Variants in TMEM108 observed in about 807,000 individuals in gnomAD.
TMEM108 encodes the protein cancer/testis antigen 124.
In TMEM108, 12 loss-of-function variants were observed where a neutral mutation model predicts 35.1. The ratio of observed to expected loss-of-function variants is 0.34; its 90% CI spans 0.22 to 0.55. The LOEUF is 0.55. Ranked by LOEUF, TMEM108 falls within the 20% of genes least tolerant of loss-of-function variation. The pLI is 0.89. For synonymous variants in TMEM108, 287 were observed against 308.6 expected (o/e 0.93, Z 0.73); for missense variants, 680 against 753.3 (o/e 0.90, Z 1.14).
At chr3:133,388,739 T>C in intron 4 of TMEM108, 14 of 985,468 alleles carry the variant, frequency 1.4e-5, no homozygotes, top group Non-Finnish European at 1.7e-5. Flanking sequence ...GGCTGGCAGC[T>C]GGAAAGAAAG....
At chr3:133,368,223 T>A (rs1197289) in intron 3 of TMEM108, among the ~76,000 whole-genome samples, 61,807 of 151,996 alleles carry the variant, frequency 0.41, 12,704 homozygotes, top group Admixed American at 0.43. Context: ...ATCTCTAGGG[T>A]GTGCCTAGGT....
intron 1 of TMEM108, among the ~76,000 whole-genome samples, chr3:133,040,003 T>TGATAA (rs1292923499): frequency 6.6e-6 from 1 of 152,110 alleles, no homozygotes; most frequent in African/African-American, 2.4e-5. Flanking sequence ...CAAATTCAGG[T>TGATAA]TTATCAGCCA....
At chr3:133,253,209 C>A (rs1421328289) in intron 3 of TMEM108, among the ~76,000 whole-genome samples, 2 of 152,090 alleles carry the variant, frequency 1.3e-5, no homozygotes, top group East Asian at 3.8e-4. Context: ...CAAGAAATAC[C>A]ATATAAGACA....
intron 2 of TMEM108, among the ~76,000 whole-genome samples, chr3:133,118,427 A>G (rs1210786065): frequency 3.3e-5 from 5 of 152,234 alleles, no homozygotes; most frequent in African/African-American, 1.2e-4. Context: ...AAGAAGGGAA[A>G]GATAACATCC....
rs190269175 is a variant in TMEM108, at chr3:133,090,619, C to T, written c.-47+44599C>T. On this transcript the variant is annotated intron_variant, in intron 2 of 5. Transcript: ENST00000321871. ...GCACTACCATTCTCTTAAGAATTAT[C>T]GTAAGAAATTTCAAAGGCGCATTTT... 8.8e-3 allele frequency among the ~76,000 whole-genome samples: 1,338 copies of T among 152,268 alleles called. 22 individuals carry two copies. The highest frequency in any genetic ancestry group is 0.031 in the African/African-American group (1,276 of 41,552).
intron 2 of TMEM108, among the ~76,000 whole-genome samples, chr3:133,222,917 C>T (rs529255750): frequency 5.3e-5 from 8 of 152,114 alleles, no homozygotes; most frequent in Middle Eastern, 3.4e-3. Context: ...ACTTCCCAGA[C>T]GCAAGCAATA....
intron 3 of TMEM108, among the ~76,000 whole-genome samples, chr3:133,356,332 C>T (rs1387063469): frequency 6.6e-6 from 1 of 152,024 alleles, no homozygotes; most frequent in Non-Finnish European, 1.5e-5. Context: ...ATAACACAAA[C>T]AAATGGATTC....
intron 2 of TMEM108, among the ~76,000 whole-genome samples, chr3:133,056,644 A>C (rs1486983244): frequency 2.0e-5 from 3 of 152,130 alleles, no homozygotes; most frequent in African/African-American, 7.2e-5. Flanking sequence ...TCTACCTGCC[A>C]CTTTCACACC....
At chr3:133,043,419 G>C (rs1456320021) in intron 1 of TMEM108, among the ~76,000 whole-genome samples, 1 of 152,062 alleles carries the variant, frequency 6.6e-6, no homozygotes, top group Non-Finnish European at 1.5e-5. Context: ...AAGTTTGTAG[G>C]AACATTTTTA....
intron 2 of TMEM108, among the ~76,000 whole-genome samples, chr3:133,169,277 CTTTG>C (rs544651561): frequency 7.1e-4 from 108 of 152,272 alleles, no homozygotes; most frequent in Middle Eastern, 6.8e-3. Flanking sequence ...GCAATATTAA[CTTTG>C]TTTATCACTT....
At chr3:133,248,196 G>A (rs1056132251) in intron 3 of TMEM108, 2 of 151,964 alleles carry the variant, frequency 1.3e-5, no homozygotes, top group South Asian at 2.1e-4. Context: ...GGAGACTGAC[G>A]ATAACAAGCC....
At chr3:133,233,236 G>T (rs1213065899) in intron 3 of TMEM108, among the ~76,000 whole-genome samples, 2 of 151,922 alleles carry the variant, frequency 1.3e-5, no homozygotes, top group African/African-American at 2.4e-5. Context: ...TCCCCTTCCT[G>T]TGTCCACGTG....
chr3:133,330,608 G>C (rs1227311386), intron 3 of TMEM108, among the ~76,000 whole-genome samples: 1 of 152,136 alleles, frequency 6.6e-6, no homozygotes, highest in Non-Finnish European at 1.5e-5. Context: ...GGTGGTGGTG[G>C]TAATAGTGTA....
At position 133,187,883 on chromosome 3, in the gene TMEM108, CAAAAA is replaced by C. The variant is rs34894272; in HGVS notation, c.-46-41369_-46-41365del. Among the ~76,000 whole-genome samples, 620 of 127,342 alleles carry C rather than the reference CAAAAA, an allele frequency of 4.9e-3. 4 individuals carry two copies. Among genetic ancestry groups the C allele is most frequent in the African/African-American group, 0.014 (482 of 35,464 alleles). 83.5% of individuals were successfully genotyped at this position (127,342 alleles called of 152,430 possible). On this transcript the variant is annotated intron_variant, in intron 2 of 5. Transcript: ENST00000321871. ...ATGCATATCAGAGTAACGGTTGCTG[CAAAAA>C]AAAAAAAAAAAAAGACAGGAACAAA...
chr3:133,064,923 T>C (rs1004346291), intron 2 of TMEM108, among the ~76,000 whole-genome samples: 3 of 152,202 alleles, frequency 2.0e-5, no homozygotes, highest in African/African-American at 7.2e-5. Context: ...AACTTTACAC[T>C]GATACTTCCT....
intron 2 of TMEM108, among the ~76,000 whole-genome samples, chr3:133,061,251 G>A (rs112023771): frequency 0.019 from 2,670 of 137,160 alleles, 100 homozygotes; most frequent in African/African-American, 0.069. Context: ...TCACTCTGTC[G>A]CCCAGGCTGG....
chr3:133,076,804 G>A (rs1943748080), intron 2 of TMEM108, among the ~76,000 whole-genome samples: 1 of 152,238 alleles, frequency 6.6e-6, no homozygotes, highest in African/African-American at 2.4e-5. Context: ...TCTTTGCCAT[G>A]GGGCTCAGTC....
intron 3 of TMEM108, among the ~76,000 whole-genome samples, chr3:133,329,557 T>G (rs2107726209): frequency 6.6e-6 from 1 of 152,310 alleles, no homozygotes; most frequent in Admixed American, 6.5e-5. Context: ...GCGGCTCCTT[T>G]TCCCTGCAGG....
At chr3:133,185,799 T>TTTTTTTTA (rs1945411991) in intron 2 of TMEM108, among the ~76,000 whole-genome samples, 1 of 121,896 alleles carries the variant, frequency 8.2e-6, no homozygotes, top group African/African-American at 3.0e-5. Context: ...TTTTTTTTTT[T>TTTTTTTTA]GAGACAGAGT....
Sources: gnomAD v4.1 joint callset for allele counts (sites outside exome capture counted in the v4.1 genomes callset) on GRCh38, gnomAD v4.1.1 for gene constraint, MANE v1.5 for transcripts, NCBI Gene and HGNC (gene_info 2026-07-23, HGNC 2026-07-21) for gene names.